Variants in KIAA1586 observed in about 807,000 individuals in gnomAD.
KIAA1586 encodes E3 SUMO-protein ligase KIAA1586.
KIAA1586 carries 5 observed loss-of-function variants against 6.1 expected under a neutral mutation model. The observed-to-expected ratio is 0.82, with a 90% CI of 0.43 to 1.73. The LOEUF (loss-of-function observed/expected upper bound fraction) is 1.73. Ranked by LOEUF, KIAA1586 falls within the 40% of genes most tolerant of loss-of-function variation. KIAA1586 has a pLI of 0.02. For missense variants in KIAA1586, 899 were observed against 878.2 expected (o/e 1.02, Z -0.30); for synonymous variants, 280 against 301.7 (o/e 0.93, Z 0.75).
chr6:57,050,226 T>A (rs150276126), intron 2 of KIAA1586, among the ~76,000 whole-genome samples: 1 of 151,886 alleles, frequency 6.6e-6, no homozygotes, highest in East Asian at 1.9e-4. Context: ...TTTAGGCTCT[T>A]TGGGTTTTGT....
chr6:57,053,370 A>G lies in KIAA1586; in HGVS notation c.871A>G (p.Ile291Val). The change falls in exon 4 of 4, where the codon ATA becomes GTA. Residue 291 changes from isoleucine (I) to valine (V), a missense_variant. Physicochemically the swap from Ile to Val is conservative, Grantham distance 29. Transcript: ENST00000370733. ...CLNTRYSATRIAEHIAKEMKM... is the reference protein window; with the variant it reads ...CLNTRYSATRVAEHIAKEMKM... ...AAATACACGTTACAGTGCAACAAGAATAGCAGAACATATTGCAAAAGAAAT... is the reference window on the plus strand; with the variant it reads ...AAATACACGTTACAGTGCAACAAGAGTAGCAGAACATATTGCAAAAGAAAT... The G allele has an allele frequency of 6.2e-7, 1 of 1,610,378 alleles. No individual in the cohort carries two copies. The highest frequency in any genetic ancestry group is 1.1e-5 in the South Asian group (1 of 90,408).
At chr6:57,050,892 T>A (rs763694239) in intron 3 of KIAA1586, 38 bp downstream of exon 3, 2 of 1,405,248 alleles carry the variant, frequency 1.4e-6, no homozygotes, top group Non-Finnish European at 2.0e-6. Context: ...AGTTTTCTTA[T>A]TAAGTGCAAT....
At position 57,054,641 on chromosome 6, in the gene KIAA1586, G is replaced by T; in HGVS notation, c.2142G>T (p.Met714Ile). ...AAGCTGAAAGGGGTTTCAATTTAAT[G>T]AACATAATTTGTACAAGGGTGAGAA... ...SAEAERGFNL[M>I]NIICTRVRNS... The change falls in exon 4 of 4, where the codon ATG (methionine) becomes ATT (isoleucine). Residue 714 changes from methionine (M) to isoleucine (I), a missense_variant. Physicochemically the swap from Met to Ile is conservative, Grantham distance 10. Transcript: ENST00000370733. The T allele has an allele frequency of 6.3e-7, 1 of 1,580,250 alleles. No individual in the cohort carries two copies. The highest frequency in any genetic ancestry group is 1.1e-5 in the South Asian group (1 of 87,592).
chr6:57,051,690 T>A (rs553578421), intron 3 of KIAA1586, among the ~76,000 whole-genome samples: 1 of 152,204 alleles, frequency 6.6e-6, no homozygotes, highest in East Asian at 1.9e-4. Flanking sequence ...TCCCAGCACT[T>A]TGGGAGGCCA....
chr6:57,046,755 C>G lies in KIAA1586; in HGVS notation c.-1C>G. 1 of 1,612,748 alleles carries G rather than the reference C, an allele frequency of 6.2e-7. No individual in the cohort carries two copies. The highest frequency in any genetic ancestry group is 8.5e-7 in the Non-Finnish European group (1 of 1,179,544). ...GTGCTGTCAGCGCGGCCGTCGGAGACATGGGAGACCCGGGGTCGGAAGTGA... is the reference window on the plus strand; with the variant it reads ...GTGCTGTCAGCGCGGCCGTCGGAGAGATGGGAGACCCGGGGTCGGAAGTGA... On this transcript the variant is annotated 5_prime_UTR_variant, in exon 1 of 4. Transcript: ENST00000370733.
At position 57,053,578 on chromosome 6, in the gene KIAA1586, AGTGTATT is replaced by A; in HGVS notation, c.1082_1088del (p.Cys361SerfsTer5). On this transcript the variant is annotated frameshift_variant, in exon 4 of 4. Coordinates refer to ENST00000370733, the MANE Select transcript of KIAA1586 (RefSeq NM_020931.4). LOFTEE classifies it low-confidence loss of function (END_TRUNC). ...AAAGAATTGGTGTCAACTATAGCAG[AGTGTATT>A]GTCAATACATTATTGACTACTTTAA... 1 of 1,611,412 alleles carries A rather than the reference AGTGTATT, an allele frequency of 6.2e-7. No individual in the cohort carries two copies. The highest frequency in any genetic ancestry group is 8.5e-7 in the Non-Finnish European group (1 of 1,178,060).
At chr6:57,058,724 T>A (rs1053238800), downstream of KIAA1586, among the ~76,000 whole-genome samples, 7 of 152,234 alleles carry the variant, frequency 4.6e-5, no homozygotes, top group African/African-American at 1.7e-4. Flanking sequence ...TTTACTCATT[T>A]TTCTAACACG....
chr6:57,050,672 T>C, intron 2 of KIAA1586, 102 bp from the exon 3 acceptor site: 1 of 792,140 alleles, frequency 1.3e-6, no homozygotes, highest in Non-Finnish European at 2.1e-6. Context: ...TTCTCGAGAA[T>C]CTTTCCCAAT....
In KIAA1586 at chr6:57,051,362, T is replaced by G. The variant is rs922262108; in HGVS notation, c.186+508T>G. Among the ~76,000 whole-genome samples the G allele has an allele frequency of 7.9e-5, 12 of 151,762 alleles. 2 individuals carry two copies. The highest frequency in any genetic ancestry group is 2.9e-4 in the African/African-American group (12 of 41,028). On this transcript the variant is annotated intron_variant, in intron 3 of 3. Transcript: ENST00000370733. Reference sequence around the variant, plus strand: ...AAATGATCATATTTAATACATCATTTCCTACTTAATACATCATTTCCTACT... The same window carrying G: ...AAATGATCATATTTAATACATCATTGCCTACTTAATACATCATTTCCTACT...
At chr6:57,059,219 T>G (rs1022799896), downstream of KIAA1586, among the ~76,000 whole-genome samples, 1 of 152,168 alleles carries the variant, frequency 6.6e-6, no homozygotes, top group Non-Finnish European at 1.5e-5. Context: ...TGTTATAAAT[T>G]GATAATATGT....
At chr6:57,062,078 C>T in the KIAA1586 span, among the ~76,000 whole-genome samples, 15 of 151,996 alleles carry the variant, frequency 9.9e-5, no homozygotes, top group South Asian at 2.1e-3. Flanking sequence ...ACCATAGGCA[C>T]GTGCCACCAC....
rs373187576 is a variant in KIAA1586, at chr6:57,050,865, T to C, written c.186+11T>C. ...GCCTATTATAGTGATGTAAGCACATTATATTTGTGTTTGTTCAGTTTTCTT... is the reference window on the plus strand; with the variant it reads ...GCCTATTATAGTGATGTAAGCACATCATATTTGTGTTTGTTCAGTTTTCTT... On this transcript the variant is annotated intron_variant, in intron 3 of 3. Coordinates refer to ENST00000370733, the MANE Select transcript of KIAA1586 (RefSeq NM_020931.4). 52 of 1,580,756 alleles carry C rather than the reference T, an allele frequency of 3.3e-5. No homozygotes were observed. The highest frequency in any genetic ancestry group is 4.3e-5 in the Non-Finnish European group (49 of 1,150,080).
intron 2 of KIAA1586, among the ~76,000 whole-genome samples, chr6:57,049,577 A>C (rs1215770421): frequency 6.6e-6 from 1 of 152,172 alleles, no homozygotes; most frequent in Non-Finnish European, 1.5e-5. Flanking sequence ...GGGATACAAA[A>C]AGAGTCCTTA....
chr6:57,056,063 T>TC (rs894981825), downstream of KIAA1586, among the ~76,000 whole-genome samples: 5 of 152,090 alleles, frequency 3.3e-5, no homozygotes, highest in African/African-American at 9.7e-5. Flanking sequence ...TTTTTTTTTT[T>TC]CCCGAGACAG....
At chr6:57,065,672 A>G in the KIAA1586 span, among the ~76,000 whole-genome samples, 2 of 151,986 alleles carry the variant, frequency 1.3e-5, no homozygotes, top group Non-Finnish European at 2.9e-5. Context: ...TTTTTGCTAG[A>G]GACGGAGTCT....
In KIAA1586 at chr6:57,053,496, T is replaced by C. The variant is rs1191413048; in HGVS notation, c.997T>C (p.Tyr333His). The C allele has an allele frequency of 6.2e-7, 1 of 1,613,592 alleles. No homozygotes were observed. The highest frequency in any genetic ancestry group is 1.7e-4 in the Middle Eastern group (1 of 6,056). ...TTCAAAGAAAACCACCCTAGTGATT[T>C]ATCTCCAGTGCACAATTCAGTCAGC... Reference protein sequence around the residue: ...TVSKKTTLVIYLQCTIQSAPA... With the variant: ...TVSKKTTLVIHLQCTIQSAPA... The change falls in exon 4 of 4, where the codon TAT becomes CAT. Residue 333 changes from tyrosine (Y) to histidine (H), a missense_variant. Coordinates refer to ENST00000370733, the MANE Select transcript of KIAA1586 (RefSeq NM_020931.4).
At chr6:57,064,379 A>C in the KIAA1586 span, among the ~76,000 whole-genome samples, 42 of 152,362 alleles carry the variant, frequency 2.8e-4, 1 homozygote, top group Non-Finnish European at 5.7e-4. Flanking sequence ...GTGCTGCAAC[A>C]AACCTTAACT....
downstream of KIAA1586, among the ~76,000 whole-genome samples, chr6:57,058,434 T>C (rs1047862528): frequency 2.0e-5 from 3 of 152,350 alleles, no homozygotes; most frequent in South Asian, 4.1e-4. Context: ...AGTGATCTTA[T>C]ATACCCTGTC....
rs764705490 is a variant in KIAA1586 at position 57,046,722 on chromosome 6, G to A, written c.-34G>A. 2 of 1,612,024 alleles carry A rather than the reference G, an allele frequency of 1.2e-6. No individual in the cohort carries two copies. The highest frequency in any genetic ancestry group is 1.7e-6 in the Non-Finnish European group (2 of 1,179,222). The stretch of plus-strand genomic sequence containing the variant: ...GCGGCTGCGGCAGTAGGGACAGCAG[G>A]AGCAGTGGTGCTGTCAGCGCGGCCG... On this transcript the variant is annotated 5_prime_UTR_variant, in exon 1 of 4. Transcript: ENST00000370733.
Sources: gnomAD v4.1 joint callset for allele counts (sites outside exome capture counted in the v4.1 genomes callset) on GRCh38, gnomAD v4.1.1 for gene constraint, MANE v1.5 for transcripts, NCBI Gene and HGNC (gene_info 2026-07-23, HGNC 2026-07-21) for gene names.